Variants in DCAF1 observed in about 807,000 individuals in gnomAD.
The protein encoded by DCAF1 is DDB1- and CUL4-associated factor 1.
A neutral mutation model predicts 128.0 loss-of-function variants in DCAF1; 15 were observed. The observed-to-expected ratio is 0.12, with a 90% CI of 0.08 to 0.18. The LOEUF (loss-of-function observed/expected upper bound fraction) is 0.18. Among genes scored for constraint, DCAF1 ranks in the 10% least tolerant of loss-of-function variants. DCAF1 has a pLI of 1.00. For synonymous variants in DCAF1, 610 were observed against 603.0 expected (o/e 1.01, Z -0.17); for missense variants, 988 against 1,649.5 (o/e 0.60, Z 6.95).
At chr3:51,490,438 A>G (rs781902945) in intron 2 of DCAF1, among the ~76,000 whole-genome samples, 1 of 152,178 alleles carries the variant, frequency 6.6e-6, no homozygotes, top group Non-Finnish European at 1.5e-5. Flanking sequence ...CTCAACAACA[A>G]CAAAAAAGGC....
At chr3:51,470,359 G>A (rs782068734) in intron 4 of DCAF1, among the ~76,000 whole-genome samples, 1 of 152,042 alleles carries the variant, frequency 6.6e-6, no homozygotes, top group African/African-American at 2.4e-5. Flanking sequence ...CCAGGAGTTC[G>A]AGACCAACTT....
chr3:51,401,291 C>T (rs1223011944), intron 24 of DCAF1, among the ~76,000 whole-genome samples: 2 of 152,176 alleles, frequency 1.3e-5, no homozygotes, highest in African/African-American at 4.8e-5. Context: ...CTATGGCTTT[C>T]ACCCTATCCT....
intron 6 of DCAF1, among the ~76,000 whole-genome samples, chr3:51,462,155 G>A (rs781859319): frequency 3.9e-5 from 6 of 152,098 alleles, no homozygotes; most frequent in Non-Finnish European, 7.4e-5. Flanking sequence ...AGGTGTGGCA[G>A]TTCATGCCTG....
intron 23 of DCAF1, among the ~76,000 whole-genome samples, chr3:51,411,707 G>A (rs1359265278): frequency 1.3e-5 from 2 of 152,078 alleles, no homozygotes; most frequent in Non-Finnish European, 2.9e-5. Flanking sequence ...TAAAGGTTAA[G>A]CCATTTCTAC....
chr3:51,421,585 A>G (rs1699396845), intron 14 of DCAF1, among the ~76,000 whole-genome samples: 1 of 152,136 alleles, frequency 6.6e-6, no homozygotes. Flanking sequence ...TTAATACACT[A>G]AAACCTTAGG....
upstream of DCAF1, among the ~76,000 whole-genome samples, chr3:51,501,439 C>G (rs1001227684): frequency 6.6e-6 from 1 of 152,130 alleles, no homozygotes; most frequent in African/African-American, 2.4e-5. Context: ...TCCTACCCAG[C>G]GTTCAAGGCC....
chr3:51,412,860 T>C lies in DCAF1; in HGVS notation c.4110+133A>G, dbSNP rs114866340. 4,881 of 1,358,666 alleles carry C rather than the reference T, an allele frequency of 3.6e-3. 14 individuals are homozygous for C. Among genetic ancestry groups the C allele is most frequent in the Non-Finnish European group, 4.4e-3 (4,454 of 1,005,398 alleles). The allele number at this position is 1,358,666 out of a possible 1,614,324, so 84.2% of individuals were successfully genotyped here. ...CATCTCCCAAGCCCCATCAAATGAA[T>C]AGGTTATCAATAATCTACCTTCAGG... On this transcript the variant is annotated intron_variant, in intron 22 of 24. Transcript: ENST00000684031.
intron 3 of DCAF1, among the ~76,000 whole-genome samples, chr3:51,482,951 A>G (rs1178522081): frequency 6.6e-6 from 1 of 151,558 alleles, no homozygotes; most frequent in Admixed American, 6.6e-5. Flanking sequence ...AGCCTGACCA[A>G]CATGGTGAAA....
At position 51,416,790 on chromosome 3, in the gene DCAF1, G is replaced by A; in HGVS notation, c.3600C>T (p.Ala1200=). ...ACAGTGGTTCTTAAGTACTTACGTG[G>A]GCAATGTCTCCTTTTGTGCCGATGA... ...DRVIGTKGDI[A]HIYDIQTGNK... The change falls in exon 18 of 25, where the codon GCC becomes GCT. Residue 1200 remains alanine, a synonymous_variant. Coordinates refer to ENST00000684031, the MANE Select transcript of DCAF1 (RefSeq NM_001387579.1). 1.9e-6 allele frequency: 3 copies of A among 1,609,854 alleles called. No individual in the cohort carries two copies. Among genetic ancestry groups the A allele is most frequent in the East Asian group, 2.2e-5 (1 of 44,794 alleles).
Position 51,438,999 on chromosome 3 carries a change from A to G in DCAF1, c.1128+1971T>C, listed in dbSNP as rs532819546. On this transcript the variant is annotated intron_variant, in intron 9 of 24. Coordinates refer to ENST00000684031, the MANE Select transcript of DCAF1 (RefSeq NM_001387579.1). ...TTGAGGAGAACTGTATGACAGCTACATTGTTATTCATTCAACTATCTCTCT... is the reference window on the plus strand; with the variant it reads ...TTGAGGAGAACTGTATGACAGCTACGTTGTTATTCATTCAACTATCTCTCT... Among the ~76,000 whole-genome samples, 10 of 152,336 alleles carry G rather than the reference A, an allele frequency of 6.6e-5. No homozygotes were observed. The East Asian group carries it at 1.9e-3, about 29-fold the overall frequency.
chr3:51,427,619 G>T, intron 12 of DCAF1, 78 bp from the exon 13 acceptor site: 1 of 449,280 alleles, frequency 2.2e-6, no homozygotes, highest in South Asian at 6.3e-5. Flanking sequence ...ACAGCTCACT[G>T]GCCAAGAGAT....
intron 6 of DCAF1, among the ~76,000 whole-genome samples, chr3:51,456,983 G>A (rs547209543): frequency 1.1e-4 from 16 of 152,226 alleles, no homozygotes; most frequent in African/African-American, 3.6e-4. Context: ...CAGAAAAACT[G>A]GAAACTCTAA....
intron 3 of DCAF1, among the ~76,000 whole-genome samples, chr3:51,482,474 T>C (rs1457880944): frequency 6.7e-6 from 1 of 148,536 alleles, no homozygotes; most frequent in Non-Finnish European, 1.5e-5. Context: ...GGTAAAGATA[T>C]ATTCACCAGG....
chr3:51,457,593 C>T (rs1265318137), intron 6 of DCAF1, among the ~76,000 whole-genome samples: 2 of 152,112 alleles, frequency 1.3e-5, no homozygotes, highest in African/African-American at 2.4e-5. Flanking sequence ...AGAAGAGCAA[C>T]TCCAAGACAC....
rs1553634455 is a variant in DCAF1, at chr3:51,427,521, T to C, written c.1698A>G (p.Glu566=). Residue 566 remains glutamate (E), a synonymous_variant, in exon 13 of 25, where the codon GAA becomes GAG. Transcript: ENST00000684031. ...AAAATTCCATCATTTCCACAATCTG[T>C]TCATGAGTATATGAGCATGCCTATA... The part of the protein sequence containing the change: ...PPYKACSYTH[E]QIVEMMEFLI... The C allele has an allele frequency of 3.9e-6, 3 of 762,070 alleles. No homozygotes were observed. The highest frequency in any genetic ancestry group is 7.3e-6 in the Non-Finnish European group (3 of 408,908). 47.2% of individuals were successfully genotyped at this position (762,070 alleles called of 1,614,324 possible).
chr3:51,476,133 G>A (rs1175224962), intron 3 of DCAF1, among the ~76,000 whole-genome samples: 1 of 151,846 alleles, frequency 6.6e-6, no homozygotes. Flanking sequence ...AATCGGGCCA[G>A]GCGCAGTGGA....
At chr3:51,442,403 A>G (rs368735562) in intron 7 of DCAF1, among the ~76,000 whole-genome samples, 2 of 152,132 alleles carry the variant, frequency 1.3e-5, no homozygotes, top group East Asian at 1.9e-4. Flanking sequence ...TTTCATTTTA[A>G]AGAGAGAGGG....
In DCAF1 at chr3:51,470,978, A is replaced by G. The variant is rs1553648200; in HGVS notation, c.138T>C (p.Thr46=). The change falls in exon 4 of 25, where the codon ACT becomes ACC. Residue 46 remains threonine, a synonymous_variant. Coordinates refer to ENST00000684031, the MANE Select transcript of DCAF1 (RefSeq NM_001387579.1). The part of the protein sequence containing the change: ...TRMSQLIEKE[T]EEYRKGDPDP... Reference sequence around the variant, plus strand: ...CTGGATCCCCTTTACGATACTCTTCAGTTTCTTTTTCAATCAATTGAGACA... The same window carrying G: ...CTGGATCCCCTTTACGATACTCTTCGGTTTCTTTTTCAATCAATTGAGACA... 1 of 1,607,214 alleles carries G rather than the reference A, an allele frequency of 6.2e-7. No individual in the cohort carries two copies. Among genetic ancestry groups the G allele is most frequent in the African/African-American group, 1.3e-5 (1 of 74,922 alleles).
At chr3:51,454,615 G>T (rs531496634) in intron 6 of DCAF1, among the ~76,000 whole-genome samples, 2 of 151,836 alleles carry the variant, frequency 1.3e-5, no homozygotes, top group Non-Finnish European at 2.9e-5. Flanking sequence ...TACCTGCCTC[G>T]GCCTCCCAAA....
Sources: gnomAD v4.1 joint callset for allele counts (sites outside exome capture counted in the v4.1 genomes callset) on GRCh38, gnomAD v4.1.1 for gene constraint, MANE v1.5 for transcripts, NCBI Gene and HGNC (gene_info 2026-07-23, HGNC 2026-07-21) for gene names.